Variants in POLR3H observed in about 807,000 individuals in gnomAD.
POLR3H encodes RNA polymerase III subunit H.
In POLR3H, 17 loss-of-function variants were observed where a neutral mutation model predicts 25.5. That is an observed-to-expected ratio of 0.67 (90% confidence interval 0.46 to 1.00). The LOEUF (loss-of-function observed/expected upper bound fraction) is 1.00, where lower values mean the gene tolerates loss of function less well. Ranked by LOEUF, POLR3H falls within the 50% of genes least tolerant of loss-of-function variation. The probability of loss-of-function intolerance (pLI) is 0.00; values close to 1 mark genes in which losing one functional copy is unlikely to be tolerated. For missense variants in POLR3H, 274 were observed against 265.0 expected (o/e 1.03, Z -0.24); for synonymous variants, 129 against 103.0 (o/e 1.25, Z -1.53).
At position 41,526,531 on chromosome 22, in the gene POLR3H, G is replaced by T; in HGVS notation, c.*2752C>A. 1 of 1,495,018 alleles carries T rather than the reference G, an allele frequency of 6.7e-7. No homozygotes were observed. Among genetic ancestry groups the T allele is most frequent in the Non-Finnish European group, 9.0e-7 (1 of 1,110,106 alleles). The allele number at this position is 1,495,018 out of a possible 1,614,324, so 92.6% of individuals were successfully genotyped here. On this transcript the variant is annotated 3_prime_UTR_variant, in exon 6 of 6. Coordinates refer to ENST00000355209, the MANE Select transcript of POLR3H (RefSeq NM_001018050.4). ...CAAGGCAGGTGCAGGGAGGACATTAGGGGAGTGGAAACTGGGAAGGAGGCC... is the reference window on the plus strand; with the variant it reads ...CAAGGCAGGTGCAGGGAGGACATTATGGGAGTGGAAACTGGGAAGGAGGCC...
Position 41,526,829 on chromosome 22 carries a change from T to C in POLR3H, c.*2454A>G, listed in dbSNP as rs1186278985. 1.4e-5 allele frequency: 4 copies of C among 294,006 alleles called. No homozygotes were observed. The highest frequency in any genetic ancestry group is 8.7e-5 in the African/African-American group (4 of 45,834). 18.2% of individuals were successfully genotyped at this position (294,006 alleles called of 1,614,324 possible). A position where few individuals can be genotyped will look rare whatever the true frequency, so the allele number is the denominator to read the frequency against. ...CTGAGGTGATTGGACTTTTTCTGCT[T>C]TGAGAAACAAACAGAACCAGGGCTG... On this transcript the variant is annotated 3_prime_UTR_variant, in exon 6 of 6. Coordinates refer to ENST00000355209, the MANE Select transcript of POLR3H (RefSeq NM_001018050.4).
In POLR3H at chr22:41,526,427, G is replaced by A. The variant is rs387907390; in HGVS notation, c.*2856C>T. On this transcript the variant is annotated 3_prime_UTR_variant, in exon 6 of 6. Transcript: ENST00000355209. ...TGCCGTCACTCAGGAGTTTGGCCCC[G>A]TCCCTGACACTGCCCGCTACTACAA... 22 of 1,613,350 alleles carry A rather than the reference G, an allele frequency of 1.4e-5. No individual in the cohort carries two copies. The highest frequency in any genetic ancestry group is 4.0e-5 in the African/African-American group (3 of 74,924).
chr22:41,543,943 G>T, intron 1 of POLR3H, 48 bp downstream of exon 1: 3 of 1,410,276 alleles, frequency 2.1e-6, no homozygotes, highest in Non-Finnish European at 3.0e-6. Flanking sequence ...AGTGGGCGGC[G>T]CTCGCTCTCC....
intron 2 of POLR3H, among the ~76,000 whole-genome samples, chr22:41,537,339 C>T (rs774495343): frequency 8.5e-5 from 13 of 152,218 alleles, no homozygotes; most frequent in Non-Finnish European, 1.5e-4. Flanking sequence ...CAAGCAACTG[C>T]TCCCAAGGCC....
Position 41,526,590 on chromosome 22 carries a change from G to A in POLR3H, c.*2693C>T. 1 of 957,536 alleles carries A rather than the reference G, an allele frequency of 1.0e-6. No homozygotes were observed. The highest frequency in any genetic ancestry group is 1.7e-5 in the African/African-American group (1 of 60,248). The allele number at this position is 957,536 out of a possible 1,614,324, so 59.3% of individuals were successfully genotyped here. A position where few individuals can be genotyped will look rare whatever the true frequency, so the allele number is the denominator to read the frequency against. ...CCAAAGGGGACTGCTGTGGAAGGGA[G>A]GAGAGGCCTGCAGCCCCTCCCTGTG... On this transcript the variant is annotated 3_prime_UTR_variant, in exon 6 of 6. Transcript: ENST00000355209.
In POLR3H at chr22:41,528,459, C is replaced by T. The variant is rs1233463665; in HGVS notation, c.*824G>A. ...ACACAGTACCCACCACTTCCACCCA[C>T]ACCCACCTTCTCCTTGCAGCCCCTG... On this transcript the variant is annotated 3_prime_UTR_variant, in exon 6 of 6. Coordinates refer to ENST00000355209, the MANE Select transcript of POLR3H (RefSeq NM_001018050.4). 6.2e-7 allele frequency: 1 copy of T among 1,610,922 alleles called. No homozygotes were observed. The highest frequency in any genetic ancestry group is 2.2e-5 in the East Asian group (1 of 44,860).
intron 1 of POLR3H, among the ~76,000 whole-genome samples, chr22:41,541,260 GAC>G (rs1436631837): frequency 6.6e-6 from 1 of 152,086 alleles, no homozygotes; most frequent in East Asian, 1.9e-4. Flanking sequence ...TGCACTCTCC[GAC>G]ATCCCAAAGC....
Position 41,530,879 on chromosome 22 carries a change from C to G in POLR3H, c.369G>C (p.Ala123=). The change falls in exon 5 of 6, where the codon GCG becomes GCC. Residue 123 remains alanine (A), a synonymous_variant. Coordinates refer to ENST00000355209, the MANE Select transcript of POLR3H (RefSeq NM_001018050.4). ...SLQQPAKFDE[A]EQVWVWEYET... Reference sequence around the variant, plus strand: ...CGTACTCCCACACCCACACCTGCTCCGCTTCGTCGCTGAGGGGGTCCAGGG... The same window carrying G: ...CGTACTCCCACACCCACACCTGCTCGGCTTCGTCGCTGAGGGGGTCCAGGG... 4 of 1,613,758 alleles carry G rather than the reference C, an allele frequency of 2.5e-6. No individual in the cohort carries two copies. The highest frequency in any genetic ancestry group is 2.2e-5 in the East Asian group (1 of 44,884).
chr22:41,528,988 G>C lies in POLR3H; in HGVS notation c.*295C>G. The C allele has an allele frequency of 9.3e-6, 5 of 535,660 alleles. No individual in the cohort carries two copies. Among genetic ancestry groups the C allele is most frequent in the Non-Finnish European group, 1.6e-5 (5 of 303,950 alleles). The allele number at this position is 535,660 out of a possible 1,614,324, so 33.2% of individuals were successfully genotyped here. A position where few individuals can be genotyped will look rare whatever the true frequency, so the allele number is the denominator to read the frequency against. On this transcript the variant is annotated 3_prime_UTR_variant, in exon 6 of 6. Transcript: ENST00000355209. ...AATCCAAAACCAGTGACTGTTCTGTGAGTGATTGGTGTCTGTGCCGTTTGT... is the reference window on the plus strand; with the variant it reads ...AATCCAAAACCAGTGACTGTTCTGTCAGTGATTGGTGTCTGTGCCGTTTGT...
rs2066662255 is a variant in POLR3H at position 41,528,869 on chromosome 22, A to G, written c.*414T>C. On this transcript the variant is annotated 3_prime_UTR_variant, in exon 6 of 6. Transcript: ENST00000355209. ...CATGCAACTGTATTTATTTTTGATG[A>G]CAAGACTCCCATCTAAAGTTTTTCT... 1 of 531,504 alleles carries G rather than the reference A, an allele frequency of 1.9e-6. No individual in the cohort carries two copies. Among genetic ancestry groups the G allele is most frequent in the Non-Finnish European group, 3.3e-6 (1 of 303,616 alleles). The allele number at this position is 531,504 out of a possible 1,614,324, so 32.9% of individuals were successfully genotyped here.
chr22:41,537,076 C>A (rs1414885027), intron 2 of POLR3H, among the ~76,000 whole-genome samples: 1 of 152,048 alleles, frequency 6.6e-6, no homozygotes, highest in African/African-American at 2.4e-5. Flanking sequence ...CAGGGTACAG[C>A]AGGTCCCAGG....
At chr22:41,535,824 T>G (rs1338921737) in intron 2 of POLR3H, among the ~76,000 whole-genome samples, 1 of 151,860 alleles carries the variant, frequency 6.6e-6, no homozygotes, top group Non-Finnish European at 1.5e-5. Context: ...AAATACAAAA[T>G]TAGCCGAGCA....
intron 2 of POLR3H, chr22:41,540,445 G>T: frequency 2.0e-6 from 1 of 491,814 alleles, no homozygotes; most frequent in Non-Finnish European, 3.7e-6. Context: ...ACGTCTCCCA[G>T]CCTCCAGGAC....
rs1309749677 is a variant in POLR3H, at chr22:41,529,279, A to G, written c.*4T>C. On this transcript the variant is annotated 3_prime_UTR_variant, in exon 6 of 6. Coordinates refer to ENST00000355209, the MANE Select transcript of POLR3H (RefSeq NM_001018050.4). ...CTGGTAGGGTCCACTGTCCAGCCCC[A>G]GGGCTAGTTGCTGGTCCACCAGGAG... The G allele has an allele frequency of 5.6e-6, 9 of 1,612,688 alleles. 1 individual carries two copies. The South Asian group carries it at 9.9e-5, about 18-fold the overall frequency.
In POLR3H at chr22:41,532,146, A is replaced by C; in HGVS notation, c.307T>G (p.Phe103Val). Residue 103 changes from phenylalanine (F) to valine (V), a missense_variant, in exon 4 of 6, where the codon TTC becomes GTC. Physicochemically the swap from Phe to Val is conservative, Grantham distance 50 (BLOSUM62 -1). Coordinates refer to ENST00000355209, the MANE Select transcript of POLR3H (RefSeq NM_001018050.4). ...SPEGVHVSLG[F>V]FDDILIPPES... is the part of the protein sequence containing the mutation. ...GGGGGGATGAGAATGTCATCGAAGA[A>C]GCCTAGAGAGACTGGAAGGAAGGAA... is the stretch of plus-strand genomic sequence containing the variant. 1.2e-6 allele frequency: 2 copies of C among 1,614,106 alleles called. No individual in the cohort carries two copies. Among genetic ancestry groups the C allele is most frequent in the Non-Finnish European group, 1.7e-6 (2 of 1,179,976 alleles).
In POLR3H at chr22:41,528,296, C is replaced by T. The variant is rs1601939525; in HGVS notation, c.*987G>A. The T allele has an allele frequency of 1.1e-6, 1 of 932,872 alleles. No individual in the cohort carries two copies. Among genetic ancestry groups the T allele is most frequent in the South Asian group, 1.7e-5 (1 of 57,862 alleles). 57.8% of individuals were successfully genotyped at this position (932,872 alleles called of 1,614,324 possible). A position where few individuals can be genotyped will look rare whatever the true frequency, so the allele number is the denominator to read the frequency against. The stretch of plus-strand genomic sequence containing the variant: ...ACCCACTGCAGGACCCTCTGGGCCC[C>T]AGGAATCCCCTGTAGGTGCCACCTG... On this transcript the variant is annotated 3_prime_UTR_variant, in exon 6 of 6. Coordinates refer to ENST00000355209, the MANE Select transcript of POLR3H (RefSeq NM_001018050.4).
At chr22:41,541,943 T>G (rs1407667206) in intron 1 of POLR3H, among the ~76,000 whole-genome samples, 1 of 152,194 alleles carries the variant, frequency 6.6e-6, no homozygotes, top group Admixed American at 6.5e-5. Context: ...CACCTTCTGA[T>G]GCTCCACGGA....
intron 2 of POLR3H, among the ~76,000 whole-genome samples, chr22:41,535,524 G>A (rs1423034775): frequency 6.6e-6 from 1 of 152,218 alleles, no homozygotes; most frequent in Non-Finnish European, 1.5e-5. Flanking sequence ...GAGTCTAAAG[G>A]ACCATCAAGA....
In POLR3H at chr22:41,544,373, C is replaced by G; in HGVS notation, c.-272G>C. The G allele has an allele frequency of 3.0e-6, 1 of 331,856 alleles. No individual in the cohort carries two copies. Among genetic ancestry groups the G allele is most frequent in the Non-Finnish European group, 5.4e-6 (1 of 184,494 alleles). 20.6% of individuals were successfully genotyped at this position (331,856 alleles called of 1,614,324 possible). A position where few individuals can be genotyped will look rare whatever the true frequency, so the allele number is the denominator to read the frequency against. ...CCCCGCCACGCCACGCCACTCCACG[C>G]CACGCCACTCCACGCCCCGCACCCG... On this transcript the variant is annotated 5_prime_UTR_variant, in exon 1 of 6. Transcript: ENST00000355209.
Sources: allele counts gnomAD v4.1 joint callset (sites outside exome capture counted in the v4.1 genomes callset), GRCh38; gene constraint gnomAD v4.1.1; transcripts MANE v1.5; gene names NCBI Gene and HGNC (gene_info 2026-07-23, HGNC 2026-07-21).